The following TECRL variants were observed in gnomAD, a reference collection of about 807,000 sequenced individuals.
TECRL encodes the protein trans-2,3-enoyl-CoA reductase-like.
TECRL carries 63 observed loss-of-function variants against 52.8 expected under a neutral mutation model. That is an observed-to-expected ratio of 1.19 (90% confidence interval 0.97 to 1.47). The LOEUF (loss-of-function observed/expected upper bound fraction) is 1.47, where lower values mean the gene tolerates loss of function less well. Among genes scored for constraint, TECRL ranks in the 40% most tolerant of loss-of-function variants. The pLI is 0.00. For missense variants in TECRL, 482 were observed against 429.6 expected (o/e 1.12, Z -1.08); for synonymous variants, 164 against 141.9 (o/e 1.16, Z -1.10).
At chr4:64,307,127 A>C (rs772038431) in intron 6 of TECRL, among the ~76,000 whole-genome samples, 1 of 152,164 alleles carries the variant, frequency 6.6e-6, no homozygotes, top group Non-Finnish European at 1.5e-5. Flanking sequence ...TTTGGAGGTC[A>C]GTCACTTTCA....
chr4:64,321,565 AT>A (rs1434118375), intron 4 of TECRL, among the ~76,000 whole-genome samples: 206 of 152,248 alleles, frequency 1.4e-3, no homozygotes, highest in African/African-American at 4.5e-3. Context: ...AAAACTGTTT[AT>A]TAATTTTTCA....
intron 2 of TECRL, among the ~76,000 whole-genome samples, chr4:64,335,815 GT>G (rs1449811939): frequency 6.6e-6 from 1 of 152,080 alleles, no homozygotes; most frequent in Non-Finnish European, 1.5e-5. Context: ...AAAAATATTT[GT>G]TTTCTTGATT....
chr4:64,287,677 T>A (rs1039193505), intron 9 of TECRL, among the ~76,000 whole-genome samples: 48 of 152,324 alleles, frequency 3.2e-4, no homozygotes, highest in African/African-American at 1.2e-3. Context: ...TGCTGTTTTA[T>A]AATGGAATAC....
intron 1 of TECRL, among the ~76,000 whole-genome samples, chr4:64,404,533 A>G (rs1417601408): frequency 2.6e-5 from 4 of 152,084 alleles, no homozygotes; most frequent in African/African-American, 7.2e-5. Context: ...TTTAACAATT[A>G]TTTTAAATCT....
chr4:64,328,699 C>A (rs1010046170), intron 2 of TECRL, 143 bp from the exon 3 acceptor site: 3 of 656,858 alleles, frequency 4.6e-6, no homozygotes, highest in Non-Finnish European at 8.0e-6. Flanking sequence ...ATAGTGGTTA[C>A]CTTTTGTAGG....
Position 64,406,180 on chromosome 4 carries a change from G to GTGTT in TECRL, c.234+2937_234+2938insAACA, listed in dbSNP as rs67441561. Among the ~76,000 whole-genome samples the GTGTT allele has an allele frequency of 2.5e-3, 372 of 151,574 alleles. 5 individuals carry two copies. Among genetic ancestry groups the GTGTT allele is most frequent in the Admixed American group, 0.02 (298 of 15,176 alleles). ...CGCGCGCGCGCGTGTGTGTGTGTGT[G>GTGTT]TATGTGTGTAATTAAGTTAAAGAAC... On this transcript the variant is annotated intron_variant, in intron 1 of 11. Transcript: ENST00000381210.
intron 9 of TECRL, among the ~76,000 whole-genome samples, chr4:64,285,140 GCTTTCTTTCAA>G (rs1355235461): frequency 1.3e-5 from 2 of 152,074 alleles, no homozygotes; most frequent in African/African-American, 4.8e-5. Context: ...TACATTTGAA[GCTTTCTTTCAA>G]CTGTCATACC....
chr4:64,349,089 T>G (rs1294788700), intron 2 of TECRL, among the ~76,000 whole-genome samples: 1 of 150,430 alleles, frequency 6.6e-6, no homozygotes. Flanking sequence ...ACCTAAAATT[T>G]TCATAAATTT....
At chr4:64,293,445 A>C (rs895737530) in intron 8 of TECRL, among the ~76,000 whole-genome samples, 2 of 152,132 alleles carry the variant, frequency 1.3e-5, no homozygotes, top group East Asian at 3.9e-4. Context: ...TTTTTTAAAA[A>C]AATACACCCT....
chr4:64,371,481 T>C (rs2109660863), intron 2 of TECRL, among the ~76,000 whole-genome samples: 1 of 151,684 alleles, frequency 6.6e-6, no homozygotes, highest in South Asian at 2.1e-4. Flanking sequence ...CGAATCTCTG[T>C]TAGAGATTTC....
chr4:64,374,798 A>C (rs1200223287), intron 2 of TECRL, among the ~76,000 whole-genome samples: 1 of 151,948 alleles, frequency 6.6e-6, no homozygotes, highest in African/African-American at 2.4e-5. Flanking sequence ...CATTTTCTTA[A>C]TCCAGTCTAT....
At chr4:64,332,129 A>C (rs1158707327) in intron 2 of TECRL, among the ~76,000 whole-genome samples, 1 of 152,172 alleles carries the variant, frequency 6.6e-6, no homozygotes, top group Non-Finnish European at 1.5e-5. Context: ...ACATTCCCCT[A>C]AGGGTATCTG....
intron 2 of TECRL, among the ~76,000 whole-genome samples, chr4:64,366,430 A>C (rs1350636276): frequency 6.6e-6 from 1 of 152,158 alleles, no homozygotes. Context: ...AATTAAACTA[A>C]AGAGCTTCTG....
intron 8 of TECRL, among the ~76,000 whole-genome samples, chr4:64,293,821 C>T (rs1723527359): frequency 1.3e-5 from 2 of 151,616 alleles, no homozygotes; most frequent in Admixed American, 6.6e-5. Flanking sequence ...CTTCTGGTTT[C>T]CACAATAAAA....
intron 1 of TECRL, among the ~76,000 whole-genome samples, chr4:64,392,788 C>A (rs561370019): frequency 1.1e-4 from 16 of 152,072 alleles, no homozygotes; most frequent in African/African-American, 3.6e-4. Context: ...TTTCATCAGG[C>A]CTATGCTGTA....
intron 2 of TECRL, among the ~76,000 whole-genome samples, chr4:64,352,994 C>T (rs1411419252): frequency 6.6e-6 from 1 of 152,188 alleles, no homozygotes; most frequent in South Asian, 2.1e-4. Flanking sequence ...GCTTGGATTA[C>T]AGGCACAAGC....
intron 1 of TECRL, among the ~76,000 whole-genome samples, chr4:64,384,174 G>A (rs1723014113): frequency 6.6e-6 from 1 of 152,078 alleles, no homozygotes; most frequent in South Asian, 2.1e-4. Flanking sequence ...CAGGCACCCA[G>A]GTGGTATATT....
chr4:64,286,679 C>A (rs865977045), intron 9 of TECRL, among the ~76,000 whole-genome samples: 3 of 152,092 alleles, frequency 2.0e-5, no homozygotes, highest in Middle Eastern at 3.4e-3. Flanking sequence ...AGCAAAAAAA[C>A]CATCATTTGA....
chr4:64,371,543 C>T (rs1721973392), intron 2 of TECRL, among the ~76,000 whole-genome samples: 1 of 151,292 alleles, frequency 6.6e-6, no homozygotes, highest in African/African-American at 2.4e-5. Flanking sequence ...TTAAGCAGAC[C>T]TTCGCTTTAT....
Sources: gnomAD v4.1 joint callset for allele counts (sites outside exome capture counted in the v4.1 genomes callset) on GRCh38, gnomAD v4.1.1 for gene constraint, MANE v1.5 for transcripts, NCBI Gene and HGNC (gene_info 2026-07-23, HGNC 2026-07-21) for gene names.